Variants in M1AP observed in about 807,000 individuals in gnomAD.
The protein encoded by M1AP is meiosis 1 associated protein, also known as meiosis 1 arrest protein.
Under a neutral mutation model 51.2 loss-of-function variants are expected in M1AP, and 39 were observed. The observed-to-expected ratio is 0.76, with a 90% CI of 0.59 to 1.00. The LOEUF (loss-of-function observed/expected upper bound fraction) is 1.00. Among genes scored for constraint, M1AP ranks in the 50% least tolerant of loss-of-function variants. The pLI is 0.00. For missense variants in M1AP, 545 were observed against 641.2 expected (o/e 0.85, Z 1.62); for synonymous variants, 251 against 249.2 (o/e 1.01, Z -0.07).
intron 1 of M1AP, among the ~76,000 whole-genome samples, chr2:74,645,710 T>C (rs1302830964): frequency 6.6e-6 from 1 of 152,248 alleles, no homozygotes; most frequent in Admixed American, 6.5e-5. Flanking sequence ...ACTGCTGAAC[T>C]ACCTCTGAGC....
intron 7 of M1AP, among the ~76,000 whole-genome samples, chr2:74,564,816 G>C (rs1293198517): frequency 6.6e-6 from 1 of 152,196 alleles, no homozygotes; most frequent in Non-Finnish European, 1.5e-5. Flanking sequence ...CTCCATTTCA[G>C]TTGGCTTAAG....
chr2:74,640,073 A>T lies in M1AP; in HGVS notation c.203T>A (p.Met68Lys). The stretch of plus-strand genomic sequence containing the variant: ...GATGCACTCATGCTGATCTTGTACC[A>T]TGTATAAACTGAACAGGGACATGCG... ...PSRMSLFSLY[M>K]VQDQHECILP... The change falls in exon 2 of 11, where the codon ATG (methionine) becomes AAG (lysine). Residue 68 changes from methionine (M) to lysine (K), a missense_variant. By Grantham distance (95) the Met-to-Lys change is moderately conservative. Coordinates refer to ENST00000421985, the MANE Select transcript of M1AP (RefSeq NM_001321739.2). The T allele has an allele frequency of 6.2e-7, 1 of 1,614,242 alleles. No individual in the cohort carries two copies. The highest frequency in any genetic ancestry group is 8.5e-7 in the Non-Finnish European group (1 of 1,180,040).
rs1573205689 is a variant in M1AP, at chr2:74,645,462, CT to C, written c.-53+2802del. Among the ~76,000 whole-genome samples, 3 of 152,284 alleles carry C rather than the reference CT, an allele frequency of 2.0e-5. No homozygotes were observed. In the East Asian group the frequency reaches 5.8e-4, roughly 29 times the overall value. On this transcript the variant is annotated intron_variant, in intron 1 of 10. Transcript: ENST00000421985. The stretch of plus-strand genomic sequence containing the variant: ...GCGGGACTCAACTCTGCAGGAAGGG[CT>C]TGGACACCAGACCAAATTGAGGACT...
chr2:74,603,909 G>A (rs1037008355), intron 4 of M1AP, among the ~76,000 whole-genome samples: 4 of 152,058 alleles, frequency 2.6e-5, no homozygotes, highest in African/African-American at 9.7e-5. Context: ...AGAAATCGAT[G>A]GTATCAGAAC....
chr2:74,576,723 C>T (rs948111190), intron 5 of M1AP, 105 bp from the exon 6 acceptor site: 1 of 1,335,316 alleles, frequency 7.5e-7, no homozygotes. Flanking sequence ...ATCTGCTACC[C>T]ATTCCATCTC....
At chr2:74,594,414 C>T (rs766688757) in intron 4 of M1AP, among the ~76,000 whole-genome samples, 19 of 152,076 alleles carry the variant, frequency 1.2e-4, no homozygotes, top group Non-Finnish European at 1.3e-4. Flanking sequence ...AAAGATAGGA[C>T]AATACCAACC....
At chr2:74,564,398 T>C (rs576563077) in intron 7 of M1AP, among the ~76,000 whole-genome samples, 1 of 152,122 alleles carries the variant, frequency 6.6e-6, no homozygotes, top group Non-Finnish European at 1.5e-5. Context: ...GACCTCTTTG[T>C]GGGGTAGGAC....
chr2:74,604,062 C>G (rs1680828224), intron 4 of M1AP, among the ~76,000 whole-genome samples: 1 of 152,168 alleles, frequency 6.6e-6, no homozygotes, highest in African/African-American at 2.4e-5. Flanking sequence ...GAGATCTCCA[C>G]TTGACTTCCT....
chr2:74,566,785 C>G (rs1573065168), intron 7 of M1AP, among the ~76,000 whole-genome samples: 1 of 152,142 alleles, frequency 6.6e-6, no homozygotes, highest in Non-Finnish European at 1.5e-5. Flanking sequence ...CATCTCCCCA[C>G]CCAGTTATAG....
intron 2 of M1AP, among the ~76,000 whole-genome samples, chr2:74,629,804 C>A (rs182411298): frequency 1.3e-5 from 2 of 151,938 alleles, no homozygotes; most frequent in Admixed American, 1.3e-4. Context: ...AAGGTATATA[C>A]GAAACCAGTG....
intron 4 of M1AP, among the ~76,000 whole-genome samples, chr2:74,605,179 A>G (rs866779971): frequency 1.3e-5 from 2 of 152,278 alleles, no homozygotes; most frequent in East Asian, 1.9e-4. Context: ...TTTTTTGGCA[A>G]TAACTGTCAA....
chr2:74,632,910 T>C (rs1193445402), intron 2 of M1AP, among the ~76,000 whole-genome samples: 1 of 152,072 alleles, frequency 6.6e-6, no homozygotes, highest in Non-Finnish European at 1.5e-5. Context: ...GGATATAACA[T>C]AGCCACTTGA....
At chr2:74,629,120 G>A (rs534840548) in intron 2 of M1AP, among the ~76,000 whole-genome samples, 2 of 152,268 alleles carry the variant, frequency 1.3e-5, no homozygotes, top group South Asian at 2.1e-4. Flanking sequence ...AACAAAATTG[G>A]ATGTTGAATT....
intron 2 of M1AP, among the ~76,000 whole-genome samples, chr2:74,622,202 G>C (rs1386759044): frequency 2.6e-5 from 4 of 152,070 alleles, no homozygotes; most frequent in Non-Finnish European, 4.4e-5. Flanking sequence ...GGATATGTCA[G>C]GACAAATAAA....
chr2:74,639,092 G>A (rs1053178901), intron 2 of M1AP, among the ~76,000 whole-genome samples: 3 of 152,140 alleles, frequency 2.0e-5, no homozygotes, highest in African/African-American at 7.2e-5. Context: ...GTTGTTATAA[G>A]CCTAAGGTTC....
chr2:74,638,732 A>G (rs1683125234), intron 2 of M1AP, among the ~76,000 whole-genome samples: 2 of 152,164 alleles, frequency 1.3e-5, no homozygotes, highest in Non-Finnish European at 2.9e-5. Flanking sequence ...AGCCTCAATC[A>G]AGCTTTCAGA....
rs1451826318 is a variant in M1AP at position 74,558,880 on chromosome 2, AAG to A, written c.1435-8_1435-7del. 1 of 1,582,930 alleles carries A rather than the reference AAG, an allele frequency of 6.3e-7. No individual in the cohort carries two copies. Among genetic ancestry groups the A allele is most frequent in the South Asian group, 1.2e-5 (1 of 85,866 alleles). The stretch of plus-strand genomic sequence containing the variant: ...TTGGTCTGCAACTGCCCAGTCTGCA[AAG>A]AGAGCAACCAGAGCCTTCTCTGAAG... On this transcript the variant is annotated splice_region_variant and splice_polypyrimidine_tract_variant and intron_variant, in intron 10 of 10. Transcript: ENST00000421985.
Position 74,562,208 on chromosome 2 carries a change from T to C in M1AP, c.1281+9A>G. ...TAGATCTGTCCCATGAGATCTGGGC[T>C]CCACTTGCCTCCACATTCTTAAGGC... On this transcript the variant is annotated intron_variant, in intron 8 of 10. Transcript: ENST00000421985. 1 of 1,601,918 alleles carries C rather than the reference T, an allele frequency of 6.2e-7. No homozygotes were observed. The highest frequency in any genetic ancestry group is 1.1e-5 in the South Asian group (1 of 89,658).
chr2:74,565,443 G>A (rs1196259540), intron 7 of M1AP, among the ~76,000 whole-genome samples: 1 of 152,036 alleles, frequency 6.6e-6, no homozygotes, highest in African/African-American at 2.4e-5. Context: ...TATCCCTAAG[G>A]CTGGTTTAAT....
Sources: gnomAD v4.1 joint callset for allele counts (sites outside exome capture counted in the v4.1 genomes callset) on GRCh38, gnomAD v4.1.1 for gene constraint, MANE v1.5 for transcripts, NCBI Gene and HGNC (gene_info 2026-07-23, HGNC 2026-07-21) for gene names.